Variants in KIAA2012 observed in about 807,000 individuals in gnomAD.
The protein encoded by KIAA2012 is uncharacterized protein KIAA2012.
KIAA2012 carries 125 observed loss-of-function variants against 150.6 expected under a neutral mutation model. The ratio of observed to expected loss-of-function variants is 0.83; its 90% CI spans 0.72 to 0.96. The LOEUF is 0.96. KIAA2012 is among the 40% of genes least tolerant of loss of function. The pLI, the probability that KIAA2012 is intolerant of heterozygous loss-of-function variation, is 0.00. For synonymous variants in KIAA2012, 462 were observed against 504.7 expected, an observed-to-expected ratio of 0.92 and a Z score of 1.13; for missense variants, 1,219 against 1,354.9, an observed-to-expected ratio of 0.90 and a Z score of 1.57.
At chr2:202,136,007 A>ATTTT in intron 12 of KIAA2012, 4 of 309,090 alleles carry the variant, frequency 1.3e-5, no homozygotes, top group East Asian at 9.8e-5. Flanking sequence ...AAAAAAAAAA[A>ATTTT]TTTTTTTTGA....
chr2:202,077,058 G>T (rs1226576889), intron 2 of KIAA2012: 1 of 457,242 alleles, frequency 2.2e-6, no homozygotes, highest in Non-Finnish European at 4.4e-6. Flanking sequence ...CTGTGATACA[G>T]CTCTCAACAG....
At chr2:202,082,632 G>T (rs1012752679) in intron 2 of KIAA2012, among the ~76,000 whole-genome samples, 1 of 151,588 alleles carries the variant, frequency 6.6e-6, no homozygotes, top group Non-Finnish European at 1.5e-5. Flanking sequence ...TTTTTATGAA[G>T]TCCAACTTAT....
intron 11 of KIAA2012, among the ~76,000 whole-genome samples, chr2:202,124,522 C>T (rs551635583): frequency 1.5e-4 from 23 of 152,102 alleles, no homozygotes; most frequent in Non-Finnish European, 2.5e-4. Flanking sequence ...GCTTTTTGTG[C>T]GTGTCTGTCA....
intron 21 of KIAA2012, among the ~76,000 whole-genome samples, chr2:202,196,186 CTTTTTTTT>C (rs869092899): frequency 6.3e-5 from 5 of 79,700 alleles, no homozygotes; most frequent in Non-Finnish European, 9.3e-5. Context: ...CTTTTCTTTT[CTTTTTTTT>C]TTTTTTTTTT....
intron 12 of KIAA2012, among the ~76,000 whole-genome samples, chr2:202,132,125 G>A (rs1435096955): frequency 6.6e-6 from 1 of 152,040 alleles, no homozygotes; most frequent in African/African-American, 2.4e-5. Flanking sequence ...GTGGTGAGCC[G>A]AGATCATGCC....
intron 15 of KIAA2012, among the ~76,000 whole-genome samples, chr2:202,181,803 G>A (rs1186680395): frequency 1.3e-5 from 2 of 152,080 alleles, no homozygotes; most frequent in Non-Finnish European, 2.9e-5. Context: ...ACCGTGTGCT[G>A]GCACTGGTTT....
intron 2 of KIAA2012, among the ~76,000 whole-genome samples, chr2:202,078,036 G>A (rs1689362623): frequency 6.6e-6 from 1 of 152,214 alleles, no homozygotes. Flanking sequence ...AAGCCTAAAA[G>A]GGGCTGATAC....
intron 13 of KIAA2012, among the ~76,000 whole-genome samples, chr2:202,152,183 C>T: frequency 6.6e-6 from 1 of 152,086 alleles, no homozygotes; most frequent in Admixed American, 6.6e-5. Context: ...CTTTCACTAT[C>T]ATTCATTCAT....
chr2:202,090,629 G>A, intron 2 of KIAA2012, 141 bp from the exon 3 acceptor site: 1 of 906,648 alleles, frequency 1.1e-6, no homozygotes, highest in African/African-American at 1.7e-5. Context: ...ATGTCTATTA[G>A]CCGAGGCATC....
At chr2:202,164,210 C>T (rs150339034) in intron 14 of KIAA2012, among the ~76,000 whole-genome samples, 23 of 151,880 alleles carry the variant, frequency 1.5e-4, no homozygotes, top group Non-Finnish European at 3.1e-4. Flanking sequence ...ATCAGACACA[C>T]GGGGCTTACT....
rs1690433512 is a variant in KIAA2012, at chr2:202,113,444, A to G, written c.1760A>G (p.Lys587Arg). ...CAAACCGAGGCGCTTCCATCGGGTA[A>G]AGGTAAGCTAACACATTCCAGGGCA... ...HTQTEALPSG[K>R]AYESVNSNIS... The change falls in exon 11 of 24, where the codon AAA (lysine) becomes AGA (arginine). Residue 587 changes from lysine (K) to arginine (R), a missense_variant and splice_region_variant. Lys to Arg is a conservative substitution (Grantham distance 26, BLOSUM62 2). Coordinates refer to ENST00000498697, the MANE Select transcript of KIAA2012 (RefSeq NM_001277372.4). 6.5e-7 allele frequency: 1 copy of G among 1,546,658 alleles called. No homozygotes were observed. Among genetic ancestry groups the G allele is most frequent in the Non-Finnish European group, 8.7e-7 (1 of 1,144,444 alleles).
At chr2:202,183,003 T>C (rs1692152100) in intron 15 of KIAA2012, among the ~76,000 whole-genome samples, 1 of 152,204 alleles carries the variant, frequency 6.6e-6, no homozygotes, top group South Asian at 2.1e-4. Context: ...TAGTCCAATA[T>C]GAAGTCTTGG....
At chr2:202,160,822 T>G (rs999387767) in intron 14 of KIAA2012, among the ~76,000 whole-genome samples, 1 of 152,210 alleles carries the variant, frequency 6.6e-6, no homozygotes, top group Admixed American at 6.5e-5. Flanking sequence ...TTTTGAGAAC[T>G]CTACAATTAT....
chr2:202,135,741 G>C (rs1481042856), intron 12 of KIAA2012: 1 of 153,258 alleles, frequency 6.5e-6, no homozygotes, highest in African/African-American at 2.4e-5. Context: ...CCACAGTGTA[G>C]TGAACCTCAT....
chr2:202,174,058 C>T (rs759688217), intron 15 of KIAA2012, among the ~76,000 whole-genome samples: 1 of 152,096 alleles, frequency 6.6e-6, no homozygotes, highest in Non-Finnish European at 1.5e-5. Context: ...CTCTGCCTCC[C>T]AGGTTCAAGC....
rs1232891777 is a variant in KIAA2012, at chr2:202,190,383, G to A, written c.2701G>A (p.Ala901Thr). ...EDPWLSPKYD[A>T]QESQVSLDGR... Reference sequence around the variant, plus strand: ...CCCTTGGCTTTCTCCCAAATATGATGCCCAGGAAAGCCAAGTTTCTCTAGA... The same window carrying A: ...CCCTTGGCTTTCTCCCAAATATGATACCCAGGAAAGCCAAGTTTCTCTAGA... The change falls in exon 19 of 24, where the codon GCC becomes ACC. Residue 901 changes from alanine (A) to threonine (T), a missense_variant. Physicochemically the swap from Ala to Thr is moderately conservative, Grantham distance 58 (BLOSUM62 0). Coordinates refer to ENST00000498697, the MANE Select transcript of KIAA2012 (RefSeq NM_001277372.4). The A allele has an allele frequency of 1.9e-6, 3 of 1,550,428 alleles. No homozygotes were observed. The highest frequency in any genetic ancestry group is 2.0e-5 in the Admixed American group (1 of 50,934).
chr2:202,188,183 A>G lies in KIAA2012; in HGVS notation c.2408A>G (p.Lys803Arg), dbSNP rs549076996. 3 of 1,550,792 alleles carry G rather than the reference A, an allele frequency of 1.9e-6. No homozygotes were observed. In the African/African-American group the frequency reaches 4.1e-5, roughly 21 times the overall value. The change falls in exon 18 of 24, where the codon AAG becomes AGG. Residue 803 changes from lysine to arginine, a missense_variant. Transcript: ENST00000498697. ...ERDLINEAKR[K>R]EKPKKDKTKG... is the part of the protein sequence containing the mutation. ...GATTTGATTAACGAGGCCAAGAGAA[A>G]GGAAAAACCCAAGAAAGACAAAACC...
chr2:202,160,376 T>G (rs990510622), intron 14 of KIAA2012, among the ~76,000 whole-genome samples: 10 of 147,044 alleles, frequency 6.8e-5, no homozygotes, highest in East Asian at 3.9e-4. Flanking sequence ...TTCAGTGGCG[T>G]GATCTCGGCT....
At chr2:202,125,007 T>G (rs1214718994) in intron 11 of KIAA2012, among the ~76,000 whole-genome samples, 3 of 152,158 alleles carry the variant, frequency 2.0e-5, no homozygotes, top group African/African-American at 7.2e-5. Flanking sequence ...TAGGCAGAGG[T>G]TGCAGTGAGC....
Sources: allele counts gnomAD v4.1 joint callset (sites outside exome capture counted in the v4.1 genomes callset), GRCh38; gene constraint gnomAD v4.1.1; transcripts MANE v1.5; gene names NCBI Gene and HGNC (gene_info 2026-07-23, HGNC 2026-07-21).